Variants in TAS2R1 observed in about 807,000 individuals in gnomAD.
The protein encoded by TAS2R1 is taste 2 receptor member 1.
For missense variants in TAS2R1, 370 were observed against 353.4 expected, an observed-to-expected ratio of 1.05 and a Z score of -0.38; for synonymous variants, 141 against 134.2, an observed-to-expected ratio of 1.05 and a Z score of -0.35.
At chr5:9,640,477 G>A (rs187180840) in intron 2 of TAS2R1, among the ~76,000 whole-genome samples, 1 of 113,796 alleles carries the variant, frequency 8.8e-6, no homozygotes, top group East Asian at 2.6e-4. Flanking sequence ...ACACAGAATT[G>A]CCACAAACCT....
chr5:9,709,468 C>G (rs1477422399), intron 1 of TAS2R1, among the ~76,000 whole-genome samples: 7 of 152,200 alleles, frequency 4.6e-5, no homozygotes, highest in Non-Finnish European at 1.0e-4. Context: ...GCCCCCATGA[C>G]TCCTGCCTCC....
the TAS2R1 span, among the ~76,000 whole-genome samples, chr5:9,745,871 A>G: frequency 3.3e-5 from 5 of 152,178 alleles, no homozygotes; most frequent in African/African-American, 1.2e-4. Flanking sequence ...ACACTTCATG[A>G]CTAAAACACC....
chr5:9,650,140 C>T (rs947082436), intron 2 of TAS2R1, among the ~76,000 whole-genome samples: 2 of 151,886 alleles, frequency 1.3e-5, no homozygotes, highest in African/African-American at 2.4e-5. Flanking sequence ...TCAAGATTTA[C>T]AAATAAAGAA....
the TAS2R1 span, among the ~76,000 whole-genome samples, chr5:9,873,238 C>T: frequency 1.6e-4 from 25 of 152,258 alleles, no homozygotes; most frequent in South Asian, 4.4e-3. Context: ...TGGCTTCTCT[C>T]GGTAGGATAT....
the TAS2R1 span, among the ~76,000 whole-genome samples, chr5:9,885,844 C>A: frequency 4.6e-5 from 7 of 151,718 alleles, no homozygotes; most frequent in Non-Finnish European, 1.0e-4. Flanking sequence ...TATAAAAAAA[C>A]AAAACTCGCA....
At chr5:9,818,235 G>A in the TAS2R1 span, among the ~76,000 whole-genome samples, 3 of 152,054 alleles carry the variant, frequency 2.0e-5, no homozygotes, top group Admixed American at 2.0e-4. Flanking sequence ...GGGCTCATTT[G>A]GCCATATTAA....
upstream of TAS2R1, among the ~76,000 whole-genome samples, chr5:9,714,785 C>A (rs1734770945): frequency 2.0e-5 from 3 of 152,234 alleles, no homozygotes; most frequent in Admixed American, 2.0e-4. Context: ...TTTCCCAGCA[C>A]TTCTGAAAGA....
chr5:9,697,168 CT>C (rs918467783), intron 1 of TAS2R1, among the ~76,000 whole-genome samples: 19 of 151,776 alleles, frequency 1.3e-4, no homozygotes, highest in African/African-American at 3.9e-4. Flanking sequence ...TGAAAGACAC[CT>C]TTTTTGTTTA....
the TAS2R1 span, among the ~76,000 whole-genome samples, chr5:9,736,021 T>C: frequency 3.3e-5 from 5 of 152,218 alleles, no homozygotes; most frequent in African/African-American, 1.2e-4. Flanking sequence ...TTTCTTACAC[T>C]TGCTGTTACT....
chr5:9,797,224 T>C, the TAS2R1 span, among the ~76,000 whole-genome samples: 1 of 152,154 alleles, frequency 6.6e-6, no homozygotes, highest in African/African-American at 2.4e-5. Context: ...AAGATGTTGA[T>C]TGTTGTGACT....
chr5:9,824,790 C>T, the TAS2R1 span, among the ~76,000 whole-genome samples: 1 of 141,510 alleles, frequency 7.1e-6, no homozygotes, highest in Non-Finnish European at 1.5e-5. Context: ...GAGGTTGCAG[C>T]GAGCCAAGAT....
chr5:9,815,627 C>T, the TAS2R1 span, among the ~76,000 whole-genome samples: 1 of 151,458 alleles, frequency 6.6e-6, no homozygotes, highest in Admixed American at 6.6e-5. Flanking sequence ...GGATCCACAG[C>T]AAATAATATC....
At chr5:9,752,563 T>TTA in the TAS2R1 span, among the ~76,000 whole-genome samples, 333 of 152,136 alleles carry the variant, frequency 2.2e-3, 2 homozygotes, top group South Asian at 0.012. Flanking sequence ...ATCATTTTTT[T>TTA]TATACTTTAA....
At chr5:9,709,591 T>G (rs891654215) in intron 1 of TAS2R1, among the ~76,000 whole-genome samples, 2 of 152,226 alleles carry the variant, frequency 1.3e-5, no homozygotes, top group African/African-American at 4.8e-5. Context: ...ACACTGTGGC[T>G]TCCGTCTTGG....
the TAS2R1 span, among the ~76,000 whole-genome samples, chr5:9,780,748 T>G: frequency 2.0e-5 from 3 of 152,312 alleles, no homozygotes; most frequent in Admixed American, 2.0e-4. Flanking sequence ...GTACAGTTAT[T>G]TAATCAAACA....
the TAS2R1 span, among the ~76,000 whole-genome samples, chr5:9,763,162 C>A: frequency 6.6e-6 from 1 of 152,102 alleles, no homozygotes; most frequent in African/African-American, 2.4e-5. Context: ...TTTAATTAAA[C>A]TGAAGAAGTA....
At chr5:9,820,609 C>A in the TAS2R1 span, among the ~76,000 whole-genome samples, 1 of 152,238 alleles carries the variant, frequency 6.6e-6, no homozygotes, top group Non-Finnish European at 1.5e-5. Context: ...ACACTCACAG[C>A]ACTGAAAACC....
chr5:9,653,029 A>G (rs1740337100), intron 2 of TAS2R1, among the ~76,000 whole-genome samples: 1 of 152,080 alleles, frequency 6.6e-6, no homozygotes, highest in African/African-American at 2.4e-5. Flanking sequence ...CCATCAAACA[A>G]TAACTCACCA....
chr5:9,756,816 C>T, the TAS2R1 span, among the ~76,000 whole-genome samples: 1 of 151,930 alleles, frequency 6.6e-6, no homozygotes, highest in African/African-American at 2.4e-5. Flanking sequence ...ATCATAAGCA[C>T]CTGAGAAACA....
Sources: allele counts gnomAD v4.1 joint callset (sites outside exome capture counted in the v4.1 genomes callset), GRCh38; gene constraint gnomAD v4.1.1; transcripts MANE v1.5; gene names NCBI Gene and HGNC (gene_info 2026-07-23, HGNC 2026-07-21).